The following ZNF234 variants were observed in gnomAD, a reference collection of about 807,000 sequenced individuals.
ZNF234 encodes the protein zinc finger protein 234.
A neutral mutation model predicts 10.3 loss-of-function variants in ZNF234; 4 were observed. The observed-to-expected ratio is 0.39, with a 90% CI of 0.19 to 0.89. The LOEUF (loss-of-function observed/expected upper bound fraction) is 0.89. Among genes scored for constraint, ZNF234 ranks in the 40% least tolerant of loss-of-function variants. The pLI is 0.38. For missense variants in ZNF234, 711 were observed against 836.1 expected, an observed-to-expected ratio of 0.85 and a Z score of 1.85; for synonymous variants, 258 against 280.1, an observed-to-expected ratio of 0.92 and a Z score of 0.79.
chr19:44,158,121 TA>T lies in ZNF234; in HGVS notation c.*15del, dbSNP rs35483237. The T allele has an allele frequency of 4.9e-3, 6,932 of 1,427,000 alleles. No individual in the cohort carries two copies. The highest frequency in any genetic ancestry group is 9.8e-3 in the East Asian group (412 of 41,916). The allele number at this position is 1,427,000 out of a possible 1,614,324, so 88.4% of individuals were successfully genotyped here. Reference sequence around the variant, plus strand: ...GAGGGAGGAAGTTCTACAAGGTGATTAAAAAAAAAAAAACAGAACTCATGTA... The same window carrying T: ...GAGGGAGGAAGTTCTACAAGGTGATTAAAAAAAAAAAACAGAACTCATGTA... On this transcript the variant is annotated 3_prime_UTR_variant, in exon 6 of 6. Coordinates refer to ENST00000426739, the MANE Select transcript of ZNF234 (RefSeq NM_006630.3).
rs754251797 is a variant in ZNF234 at position 44,159,580 on chromosome 19, AAT to A, written c.*1462_*1463del. On this transcript the variant is annotated 3_prime_UTR_variant, in exon 6 of 6. Transcript: ENST00000426739. ...CACACAATTGAGTTTTTAATCCATT[AAT>A]GTTAAGGCAGGGGTTTACTCTAACA... is the stretch of plus-strand genomic sequence containing the variant. The A allele has an allele frequency of 1.8e-5, 8 of 454,402 alleles. No homozygotes were observed. Among genetic ancestry groups the A allele is most frequent in the Non-Finnish European group, 3.7e-5 (8 of 217,318 alleles). 28.1% of individuals were successfully genotyped at this position (454,402 alleles called of 1,614,324 possible). A position where few individuals can be genotyped will look rare whatever the true frequency, so the allele number is the denominator to read the frequency against.
At chr19:44,142,599 T>C (rs1226773078) in intron 2 of ZNF234, among the ~76,000 whole-genome samples, 1 of 152,124 alleles carries the variant, frequency 6.6e-6, no homozygotes, top group African/African-American at 2.4e-5. Context: ...AGAGCCCGAG[T>C]TGATCATCTC....
rs978178379 is a variant in ZNF234, at chr19:44,149,518, A to G, written c.142+621A>G. 1.8e-4 allele frequency among the ~76,000 whole-genome samples: 27 copies of G among 152,148 alleles called. 1 individual carries two copies. The highest frequency in any genetic ancestry group is 1.8e-3 in the Admixed American group (27 of 15,260). ...GATGTAACAGTTTTTCTGTTGTTTGAGATAACACCTGGAGTTTTTTGTTTT... is the reference window on the plus strand; with the variant it reads ...GATGTAACAGTTTTTCTGTTGTTTGGGATAACACCTGGAGTTTTTTGTTTT... On this transcript the variant is annotated intron_variant, in intron 4 of 5. Coordinates refer to ENST00000426739, the MANE Select transcript of ZNF234 (RefSeq NM_006630.3).
At chr19:44,149,016 C>T in intron 4 of ZNF234, 119 bp downstream of exon 4, 3 of 1,213,304 alleles carry the variant, frequency 2.5e-6, no homozygotes, top group South Asian at 1.7e-5. Context: ...CCTGACTTTC[C>T]TATCAGTAGT....
chr19:44,142,117 T>C (rs1021069942), intron 1 of ZNF234, 197 bp from the exon 2 acceptor site: 41 of 152,362 alleles, frequency 2.7e-4, no homozygotes, highest in African/African-American at 9.9e-4. Flanking sequence ...GGTCCCCCGG[T>C]GGGGTCAGAG....
Position 44,150,524 on chromosome 19 carries a change from A to C in ZNF234, c.235+19A>C. 6.4e-7 allele frequency: 1 copy of C among 1,551,540 alleles called. No homozygotes were observed. The highest frequency in any genetic ancestry group is 1.4e-5 in the African/African-American group (1 of 72,982). ...AAATCAGGTAAGAACCAAGCAGCTA[A>C]GAGTCCTTGTACGTGATTGTCCATC... On this transcript the variant is annotated intron_variant, in intron 5 of 5. Coordinates refer to ENST00000426739, the MANE Select transcript of ZNF234 (RefSeq NM_006630.3).
chr19:44,151,031 TAA>T (rs56994246), intron 5 of ZNF234, among the ~76,000 whole-genome samples: 18 of 145,454 alleles, frequency 1.2e-4, no homozygotes, highest in East Asian at 1.0e-3. Flanking sequence ...CACTCCATCT[TAA>T]AAAAAAAAAA....
chr19:44,143,480 G>A (rs374758961), intron 2 of ZNF234, among the ~76,000 whole-genome samples: 6 of 152,170 alleles, frequency 3.9e-5, no homozygotes, highest in African/African-American at 1.4e-4. Context: ...GTGTTGGCGG[G>A]CACCTGTAGT....
At chr19:44,142,937 A>G (rs994887684) in intron 2 of ZNF234, among the ~76,000 whole-genome samples, 1 of 152,128 alleles carries the variant, frequency 6.6e-6, no homozygotes, top group African/African-American at 2.4e-5. Context: ...TAAATGTTTT[A>G]CAAAATTTTT....
rs1173979183 is a variant in ZNF234, at chr19:44,153,216, A to G, written c.235+2711A>G. The stretch of plus-strand genomic sequence containing the variant: ...TGCGCCAAGAGTTACATACTCTCCT[A>G]TGAATATTTTCCCAAGGTGTCACGG... On this transcript the variant is annotated intron_variant, in intron 5 of 5. Transcript: ENST00000426739. Among the ~76,000 whole-genome samples, 10 of 142,648 alleles carry G rather than the reference A, an allele frequency of 7.0e-5. No homozygotes were observed. In the East Asian group the frequency reaches 1.7e-3, roughly 24 times the overall value. The allele number at this position is 142,648 out of a possible 152,430, so 93.6% of individuals were successfully genotyped here. A position where few individuals can be genotyped will look rare whatever the true frequency, so the allele number is the denominator to read the frequency against.
chr19:44,147,961 G>C lies in ZNF234; in HGVS notation c.16-810G>C, dbSNP rs189739400. On this transcript the variant is annotated intron_variant, in intron 3 of 5. Transcript: ENST00000426739. ...TTGAAAATTAAATATTCATTAATTA[G>C]AACAGGTAGATGCAGATTTCAGTTC... 2.9e-3 allele frequency among the ~76,000 whole-genome samples: 449 copies of C among 152,268 alleles called. 4 individuals carry two copies. The highest frequency in any genetic ancestry group is 8.7e-3 in the South Asian group (42 of 4,824).
chr19:44,144,552 C>T lies in ZNF234; in HGVS notation c.-76-5C>T. ...CTTTCATGTCTCTTTTTGTGTCTTC[C>T]ATAGTGTTCCAGGCACGATTCTGCC... On this transcript the variant is annotated splice_region_variant and splice_polypyrimidine_tract_variant and intron_variant, in intron 2 of 5. Transcript: ENST00000426739. 7.5e-7 allele frequency: 1 copy of T among 1,328,916 alleles called. No homozygotes were observed. The highest frequency in any genetic ancestry group is 1.0e-6 in the Non-Finnish European group (1 of 995,220). 82.3% of individuals were successfully genotyped at this position (1,328,916 alleles called of 1,614,324 possible). A position where few individuals can be genotyped will look rare whatever the true frequency, so the allele number is the denominator to read the frequency against.
Position 44,159,713 on chromosome 19 carries a change from G to A in ZNF234, c.*1594G>A. ...TTTCCATCCAGACTTTGACATGATT[G>A]CCGTCTAATAACTGTAGCATTCTCT... On this transcript the variant is annotated 3_prime_UTR_variant, in exon 6 of 6. Transcript: ENST00000426739. 1 of 418,570 alleles carries A rather than the reference G, an allele frequency of 2.4e-6. No individual in the cohort carries two copies. Among genetic ancestry groups the A allele is most frequent in the Non-Finnish European group, 5.1e-6 (1 of 197,500 alleles). 25.9% of individuals were successfully genotyped at this position (418,570 alleles called of 1,614,324 possible).
In ZNF234 at chr19:44,147,471, C is replaced by G. The variant is rs150970443; in HGVS notation, c.16-1300C>G. Among the ~76,000 whole-genome samples the G allele has an allele frequency of 3.8e-3, 575 of 152,096 alleles. 1 individual carries two copies. The highest frequency in any genetic ancestry group is 6.8e-3 in the Non-Finnish European group (461 of 67,976). On this transcript the variant is annotated intron_variant, in intron 3 of 5. Transcript: ENST00000426739. Reference sequence around the variant, plus strand: ...CAGGCTGGTCTTGAACTCCTGGGCTCAAGCAATCCTCCATCCTTGGCCTCC... The same window carrying G: ...CAGGCTGGTCTTGAACTCCTGGGCTGAAGCAATCCTCCATCCTTGGCCTCC...
chr19:44,158,261 T>A lies in ZNF234; in HGVS notation c.*142T>A, dbSNP rs543383652. On this transcript the variant is annotated 3_prime_UTR_variant, in exon 6 of 6. Transcript: ENST00000426739. Reference sequence around the variant, plus strand: ...ATTTCCACCTAGACTTTTTTTTGTTTTTTATTTTTTGTTTTGAAACAGAAT... The same window carrying A: ...ATTTCCACCTAGACTTTTTTTTGTTATTTATTTTTTGTTTTGAAACAGAAT... 17 of 1,008,450 alleles carry A rather than the reference T, an allele frequency of 1.7e-5. No individual in the cohort carries two copies. In the South Asian group the frequency reaches 2.1e-4, roughly 13 times the overall value. The allele number at this position is 1,008,450 out of a possible 1,614,324, so 62.5% of individuals were successfully genotyped here.
chr19:44,145,833 A>G (rs1381970207), intron 3 of ZNF234, among the ~76,000 whole-genome samples: 1 of 152,214 alleles, frequency 6.6e-6, no homozygotes, highest in African/African-American at 2.4e-5. Flanking sequence ...TATTTTATTT[A>G]CTAGTGTCTT....
intron 4 of ZNF234, 100 bp downstream of exon 4, chr19:44,148,997 A>G (rs1483289497): frequency 9.9e-5 from 140 of 1,407,606 alleles, no homozygotes; most frequent in Non-Finnish European, 9.6e-6. Flanking sequence ...AGTCGCCTAC[A>G]TTTGTAGACC....
rs201162038 is a variant in ZNF234 at position 44,148,827 on chromosome 19, G to A, written c.72G>A (p.Leu24=). 1 of 1,613,902 alleles carries A rather than the reference G, an allele frequency of 6.2e-7. No individual in the cohort carries two copies. Among genetic ancestry groups the A allele is most frequent in the Non-Finnish European group, 8.5e-7 (1 of 1,179,940 alleles). The part of the protein sequence containing the change: ...AVVFTEEELG[L]LDPVQRNLYQ... Reference sequence around the variant, plus strand: ...TCTTCACTGAGGAGGAGCTGGGGCTGCTGGACCCTGTCCAGAGGAATCTGT... The same window carrying A: ...TCTTCACTGAGGAGGAGCTGGGGCTACTGGACCCTGTCCAGAGGAATCTGT... Residue 24 remains leucine, a synonymous_variant, in exon 4 of 6, where the codon CTG becomes CTA. Transcript: ENST00000426739.
At chr19:44,153,602 A>T (rs1020446053) in intron 5 of ZNF234, among the ~76,000 whole-genome samples, 1 of 152,144 alleles carries the variant, frequency 6.6e-6, no homozygotes, top group Admixed American at 6.5e-5. Flanking sequence ...AGAGCTTCAG[A>T]AGGAACCAGT....
Sources: allele counts gnomAD v4.1 joint callset (sites outside exome capture counted in the v4.1 genomes callset), GRCh38; gene constraint gnomAD v4.1.1; transcripts MANE v1.5; gene names NCBI Gene and HGNC (gene_info 2026-07-23, HGNC 2026-07-21).